Variants in PIEZO2 observed in about 807,000 individuals in gnomAD.
PIEZO2 encodes the protein piezo type mechanosensitive ion channel component 2, also known as piezo-type mechanosensitive ion channel component 2.
A neutral mutation model predicts 337.3 loss-of-function variants in PIEZO2; 172 were observed. That is an observed-to-expected ratio of 0.51 (90% CI 0.45 to 0.58). The LOEUF (loss-of-function observed/expected upper bound fraction) is 0.58, where lower values mean the gene tolerates loss of function less well. PIEZO2 is among the 20% of genes least tolerant of loss of function. The pLI is 0.00. For missense variants in PIEZO2, 3,028 were observed against 3,391.3 expected (o/e 0.89, Z 2.66); for synonymous variants, 1,251 against 1,228.5 (o/e 1.02, Z -0.38).
In PIEZO2 at chr18:10,697,867, G is replaced by T. The variant is rs775112800; in HGVS notation, c.6708C>A (p.Thr2236=). ...SNRSQRGSTS[T]RNSSQKGSSV... ...TGCTTCCTTTTTGACTGCTGTTTCG[G>T]GTGCTTGTGCTGCCTAGAAATAAAA... is the stretch of plus-strand genomic sequence containing the variant. Residue 2236 remains threonine, a synonymous_variant, in exon 45 of 56, where the codon ACC becomes ACA. Transcript: ENST00000674853. The T allele has an allele frequency of 5.0e-6, 8 of 1,612,844 alleles. No individual in the cohort carries two copies. Among genetic ancestry groups the T allele is most frequent in the Non-Finnish European group, 6.8e-6 (8 of 1,179,236 alleles).
chr18:10,742,115 A>C (rs1411929530), intron 32 of PIEZO2, among the ~76,000 whole-genome samples: 1 of 152,228 alleles, frequency 6.6e-6, no homozygotes, highest in Non-Finnish European at 1.5e-5. Context: ...AGATCTCGCC[A>C]CTGCACTCCA....
At chr18:10,688,589 C>A (rs146351074) in intron 49 of PIEZO2, among the ~76,000 whole-genome samples, 2 of 152,142 alleles carry the variant, frequency 1.3e-5, no homozygotes, top group Admixed American at 6.6e-5. Context: ...TTGAAACATA[C>A]GGGAGCTTTT....
intron 1 of PIEZO2, among the ~76,000 whole-genome samples, chr18:11,091,392 A>AAAG (rs1346509775): frequency 1.6e-5 from 2 of 123,250 alleles, no homozygotes; most frequent in Non-Finnish European, 3.8e-5. Context: ...TCAAAAAAAA[A>AAAG]AAAAAAAGAA....
intron 3 of PIEZO2, among the ~76,000 whole-genome samples, chr18:10,922,623 G>C (rs2031496502): frequency 6.6e-6 from 1 of 152,048 alleles, no homozygotes; most frequent in Non-Finnish European, 1.5e-5. Flanking sequence ...ACAGACAGAG[G>C]ACTCTGAGAG....
At position 11,129,552 on chromosome 18, in the gene PIEZO2, C is replaced by T. The variant is rs903336332; in HGVS notation, c.64+18973G>A. Among the ~76,000 whole-genome samples the T allele has an allele frequency of 6.6e-6, 1 of 152,148 alleles. No homozygotes were observed. The highest frequency in any genetic ancestry group is 2.4e-5 in the African/African-American group (1 of 41,424). ...AATTATAAAAACAGAATCACAGCCC[C>T]TCAATCAATTTCCAGACTTGAGCCA... On this transcript the variant is annotated intron_variant, in intron 1 of 55. Transcript: ENST00000674853. The surrounding 1 kb of genome is among the most constrained non-coding windows in gnomAD (Gnocchi z 4.6).
intron 2 of PIEZO2, among the ~76,000 whole-genome samples, chr18:11,006,100 C>CCAAGG (rs1474346065): frequency 6.6e-6 from 1 of 152,200 alleles, no homozygotes; most frequent in Non-Finnish European, 1.5e-5. Flanking sequence ...ATTTGGACCT[C>CCAAGG]TCAGGAAGAC....
rs2035060414 is a variant in PIEZO2 at position 10,695,924 on chromosome 18, C to T, written c.7190+150G>A. 27 of 736,266 alleles carry T rather than the reference C, an allele frequency of 3.7e-5. No homozygotes were observed. The South Asian group carries it at 4.6e-4, about 13-fold the overall frequency. The allele number at this position is 736,266 out of a possible 1,614,324, so 45.6% of individuals were successfully genotyped here. A position where few individuals can be genotyped will look rare whatever the true frequency, so the allele number is the denominator to read the frequency against. On this transcript the variant is annotated intron_variant, in intron 47 of 55. Transcript: ENST00000674853. ...CTTTGGATTTGCGTTGACTATTGAC[C>T]CAAACCTTTAGCTCTTCCTACCCGT... is the stretch of plus-strand genomic sequence containing the variant.
intron 27 of PIEZO2, among the ~76,000 whole-genome samples, chr18:10,753,896 A>G (rs1364401060): frequency 6.6e-6 from 1 of 152,210 alleles, no homozygotes; most frequent in African/African-American, 2.4e-5. Context: ...CCTTGACTTC[A>G]TAATGGAGAG....
intron 2 of PIEZO2, among the ~76,000 whole-genome samples, chr18:11,062,473 A>G (rs2038000486): frequency 6.6e-6 from 1 of 152,226 alleles, no homozygotes; most frequent in African/African-American, 2.4e-5. Flanking sequence ...TGAACAGGCA[A>G]CCTACAAAAT....
intron 3 of PIEZO2, among the ~76,000 whole-genome samples, chr18:10,965,952 A>G (rs530720608): frequency 6.6e-6 from 1 of 152,354 alleles, no homozygotes; most frequent in South Asian, 2.1e-4. Context: ...AGAATTTTAA[A>G]GCTAAAATAA....
At chr18:10,957,458 G>T (rs1352260850) in intron 3 of PIEZO2, among the ~76,000 whole-genome samples, 1 of 150,778 alleles carries the variant, frequency 6.6e-6, no homozygotes, top group Non-Finnish European at 1.5e-5. Context: ...GGGAAAGCTG[G>T]ATTTCCACTT....
At chr18:10,997,959 C>T (rs1178475208) in intron 2 of PIEZO2, among the ~76,000 whole-genome samples, 1 of 151,982 alleles carries the variant, frequency 6.6e-6, no homozygotes, top group Non-Finnish European at 1.5e-5. Flanking sequence ...GAAACCACTC[C>T]CAGATACATA....
chr18:11,086,485 C>T (rs981142167), intron 1 of PIEZO2, among the ~76,000 whole-genome samples: 1 of 148,528 alleles, frequency 6.7e-6, no homozygotes, highest in African/African-American at 2.5e-5. Context: ...CGCCACTGCA[C>T]TCCAGCCTGG....
At position 10,888,730 on chromosome 18, in the gene PIEZO2, C is replaced by T. The variant is rs891203413; in HGVS notation, c.330-17315G>A. Among the ~76,000 whole-genome samples the T allele has an allele frequency of 2.6e-5, 4 of 152,050 alleles. No homozygotes were observed. The highest frequency in any genetic ancestry group is 7.2e-5 in the African/African-American group (3 of 41,388). On this transcript the variant is annotated intron_variant, in intron 4 of 55. Coordinates refer to ENST00000674853, the MANE Select transcript of PIEZO2 (RefSeq NM_001378183.1). This position sits in a 1 kb window ranked among gnomAD's most constrained non-coding sequence, Gnocchi z 4.1. ...GCTCTGATAGTGACAAACATGGCTC[C>T]CATTATCCTTAATATATTTAGTTAA...
intron 36 of PIEZO2, chr18:10,728,409 C>T (rs963958859): frequency 1.3e-5 from 2 of 152,164 alleles, no homozygotes; most frequent in Non-Finnish European, 2.9e-5. Context: ...TTTAAACACA[C>T]TCATATATAT....
intron 16 of PIEZO2, 145 bp from the exon 17 acceptor site, chr18:10,785,102 CT>C: frequency 1.2e-6 from 1 of 852,236 alleles, no homozygotes; most frequent in East Asian, 2.8e-5. Context: ...TCCAATATGG[CT>C]TTCGTTTCCA....
In PIEZO2 at chr18:10,882,842, CT is replaced by C. The variant is rs35740624; in HGVS notation, c.330-11428del. Among the ~76,000 whole-genome samples the C allele has an allele frequency of 6.9e-3, 884 of 128,178 alleles. 10 individuals carry two copies. The highest frequency in any genetic ancestry group is 0.023 in the African/African-American group (821 of 35,004). 84.1% of individuals were successfully genotyped at this position (128,178 alleles called of 152,430 possible). On this transcript the variant is annotated intron_variant, in intron 4 of 55. Coordinates refer to ENST00000674853, the MANE Select transcript of PIEZO2 (RefSeq NM_001378183.1). Reference sequence around the variant, plus strand: ...CATATGTACCACATTTTCTTTTTTTCTTTTTTTTTTTTTTTGAGATGGAGTC... The same window carrying C: ...CATATGTACCACATTTTCTTTTTTTCTTTTTTTTTTTTTTGAGATGGAGTC...
At chr18:10,768,197 TGG>T (rs1857183433) in intron 21 of PIEZO2, among the ~76,000 whole-genome samples, 1 of 152,126 alleles carries the variant, frequency 6.6e-6, no homozygotes, top group Non-Finnish European at 1.5e-5. Context: ...TGATTCTCTG[TGG>T]GTGCACAATT....
rs1412329889 is a variant in PIEZO2, at chr18:10,727,126, G to A, written c.5029+4281C>T. 2.2e-6 allele frequency: 1 copy of A among 449,822 alleles called. No homozygotes were observed. Among genetic ancestry groups the A allele is most frequent in the Non-Finnish European group, 3.9e-6 (1 of 258,750 alleles). The allele number at this position is 449,822 out of a possible 1,614,324, so 27.9% of individuals were successfully genotyped here. Reference sequence around the variant, plus strand: ...TGTGTCCCTTGCTAGCCTCCCTGGGGCCTGGGGATCTGCAGCAGCATGTCT... The same window carrying A: ...TGTGTCCCTTGCTAGCCTCCCTGGGACCTGGGGATCTGCAGCAGCATGTCT... On this transcript the variant is annotated intron_variant, in intron 36 of 55. Coordinates refer to ENST00000674853, the MANE Select transcript of PIEZO2 (RefSeq NM_001378183.1). This position sits in a 1 kb window ranked among gnomAD's most constrained non-coding sequence, Gnocchi z 6.3.
Sources: gnomAD v4.1 joint callset for allele counts (sites outside exome capture counted in the v4.1 genomes callset) on GRCh38, gnomAD v4.1.1 for gene constraint, Gnocchi (gnomAD v3.1) non-coding constraint, MANE v1.5 for transcripts, NCBI Gene and HGNC (gene_info 2026-07-23, HGNC 2026-07-21) for gene names.